GRIN2A: variants seen among roughly 807,000 people sequenced by gnomAD.
GRIN2A encodes the protein glutamate receptor ionotropic, NMDA 2A.
Under a neutral mutation model 113.4 loss-of-function variants are expected in GRIN2A, and 22 were observed. That is an observed-to-expected ratio of 0.19 (90% CI 0.14 to 0.28). GRIN2A has a LOEUF of 0.28. GRIN2A is among the 10% of genes least tolerant of loss of function. GRIN2A has a pLI of 1.00. For synonymous variants in GRIN2A, 827 were observed against 738.4 expected (o/e 1.12, Z -1.94); for missense variants, 1,502 against 1,887.0 (o/e 0.80, Z 3.78).
At chr16:10,076,891 G>A (rs142144909) in intron 2 of GRIN2A, among the ~76,000 whole-genome samples, 1 of 152,218 alleles carries the variant, frequency 6.6e-6, no homozygotes, top group Admixed American at 6.5e-5. Flanking sequence ...GAACCTGTGA[G>A]CATGTTACCT....
At chr16:9,855,433 G>A (rs983690173) in intron 4 of GRIN2A, among the ~76,000 whole-genome samples, 3 of 152,162 alleles carry the variant, frequency 2.0e-5, no homozygotes, top group Non-Finnish European at 4.4e-5. Flanking sequence ...AGGAAAATGA[G>A]CCTCTGTAGC....
intron 2 of GRIN2A, among the ~76,000 whole-genome samples, chr16:10,159,804 G>A (rs987858248): frequency 5.9e-5 from 9 of 152,082 alleles, no homozygotes; most frequent in Non-Finnish European, 8.8e-5. Flanking sequence ...ATCCCAGATC[G>A]CCTAACTCAA....
chr16:9,824,660 G>A (rs936794650), intron 9 of GRIN2A, among the ~76,000 whole-genome samples: 3 of 152,156 alleles, frequency 2.0e-5, no homozygotes, highest in Admixed American at 1.3e-4. Flanking sequence ...CCACTAGACT[G>A]AAGACTGTCA....
At chr16:10,121,145 T>G (rs936489155) in intron 2 of GRIN2A, among the ~76,000 whole-genome samples, 7 of 151,988 alleles carry the variant, frequency 4.6e-5, no homozygotes, top group African/African-American at 1.7e-4. Context: ...CCACAAAGAT[T>G]GGCATCTCTG....
chr16:10,080,130 G>A (rs1331266093), intron 2 of GRIN2A, among the ~76,000 whole-genome samples: 1 of 152,142 alleles, frequency 6.6e-6, no homozygotes, highest in African/African-American at 2.4e-5. Context: ...TCATCTCCCT[G>A]CCTGGTTGCC....
intron 2 of GRIN2A, among the ~76,000 whole-genome samples, chr16:10,048,958 C>T (rs1163534094): frequency 1.3e-5 from 2 of 152,182 alleles, no homozygotes; most frequent in Admixed American, 6.5e-5. Flanking sequence ...TCTCTCTGGC[C>T]CCAGCCCCTG....
At chr16:9,818,186 C>T (rs537131682) in intron 10 of GRIN2A, among the ~76,000 whole-genome samples, 2 of 151,614 alleles carry the variant, frequency 1.3e-5, no homozygotes, top group African/African-American at 4.8e-5. Context: ...CCTGAAAGAC[C>T]GCAGTCTCGT....
chr16:10,151,916 G>T (rs1301277603), intron 2 of GRIN2A, among the ~76,000 whole-genome samples: 1 of 152,160 alleles, frequency 6.6e-6, no homozygotes, highest in Non-Finnish European at 1.5e-5. Context: ...GGCAGCTGCA[G>T]GTGAGATATT....
intron 2 of GRIN2A, among the ~76,000 whole-genome samples, chr16:10,110,954 A>C (rs1022291964): frequency 6.6e-6 from 1 of 152,252 alleles, no homozygotes; most frequent in African/African-American, 2.4e-5. Context: ...TCAGGGATGT[A>C]TGTGTTAAAC....
intron 4 of GRIN2A, among the ~76,000 whole-genome samples, chr16:9,852,403 T>C (rs147419934): frequency 8.9e-4 from 136 of 152,340 alleles, no homozygotes; most frequent in African/African-American, 3.2e-3. Flanking sequence ...GGTGATGTCA[T>C]TGACCACATC....
intron 2 of GRIN2A, among the ~76,000 whole-genome samples, chr16:9,948,139 G>A (rs1052362106): frequency 6.6e-6 from 1 of 152,186 alleles, no homozygotes; most frequent in African/African-American, 2.4e-5. Context: ...TGAATGTTCC[G>A]CTTTGCAGGA....
rs779219028 is a variant in GRIN2A, at chr16:9,829,645, ATG to A, written c.1783_1784del (p.His595TrpfsTer20). 1.2e-6 allele frequency: 2 copies of A among 1,610,644 alleles called. No homozygotes were observed. The highest frequency in any genetic ancestry group is 2.7e-5 in the African/African-American group (2 of 74,976). On this transcript the variant is annotated frameshift_variant, in exon 9 of 13. Transcript: ENST00000330684. LOFTEE classifies it high-confidence loss of function. ...CTTTTCCAATTGTAAAAGAAGGCCCATGGGGTGCTGCAGAAGATGAAAAGGAC... is the reference window on the plus strand; with the variant it reads ...CTTTTCCAATTGTAAAAGAAGGCCCAGGGTGCTGCAGAAGATGAAAAGGAC... ...NRNLAKGKAP[H>X]GPSFTIGKAI...
intron 2 of GRIN2A, among the ~76,000 whole-genome samples, chr16:10,024,167 T>G (rs931590605): frequency 1.3e-5 from 2 of 152,178 alleles, no homozygotes; most frequent in Non-Finnish European, 2.9e-5. Context: ...TTCATTTGGA[T>G]TTTTGGCTCA....
At chr16:10,130,197 C>T (rs1350231513) in intron 2 of GRIN2A, among the ~76,000 whole-genome samples, 2 of 152,264 alleles carry the variant, frequency 1.3e-5, no homozygotes, top group African/African-American at 2.4e-5. Flanking sequence ...AGACTTGGAA[C>T]GCTGGTCCCT....
intron 9 of GRIN2A, among the ~76,000 whole-genome samples, chr16:9,828,569 G>A (rs1012871332): frequency 6.6e-6 from 1 of 152,216 alleles, no homozygotes; most frequent in Non-Finnish European, 1.5e-5. Flanking sequence ...TCTTTGTGGT[G>A]CTGCAATCTC....
chr16:10,007,108 C>G (rs913290969), intron 2 of GRIN2A, among the ~76,000 whole-genome samples: 2 of 152,204 alleles, frequency 1.3e-5, no homozygotes, highest in Non-Finnish European at 2.9e-5. Context: ...GTGCAGATAT[C>G]TCTTCAATAT....
chr16:10,011,276 G>C (rs1357965563), intron 2 of GRIN2A, among the ~76,000 whole-genome samples: 1 of 152,212 alleles, frequency 6.6e-6, no homozygotes, highest in African/African-American at 2.4e-5. Flanking sequence ...TAGATTTGGA[G>C]ATAAGTGGAG....
intron 2 of GRIN2A, among the ~76,000 whole-genome samples, chr16:10,126,090 T>C (rs925822117): frequency 2.0e-5 from 3 of 152,166 alleles, no homozygotes; most frequent in Non-Finnish European, 2.9e-5. Context: ...TTCATTTTGC[T>C]TTTCTTAATT....
chr16:10,149,371 T>C (rs982313159), intron 2 of GRIN2A, among the ~76,000 whole-genome samples: 2 of 152,184 alleles, frequency 1.3e-5, no homozygotes, highest in African/African-American at 4.8e-5. Flanking sequence ...TGCACAATAA[T>C]TAACAATTTT....
Sources: allele counts gnomAD v4.1 joint callset (sites outside exome capture counted in the v4.1 genomes callset), GRCh38; gene constraint gnomAD v4.1.1; transcripts MANE v1.5; gene names NCBI Gene and HGNC (gene_info 2026-07-23, HGNC 2026-07-21).